The following MDM2 variants were observed in gnomAD, a reference collection of about 807,000 sequenced individuals.
The protein encoded by MDM2 is MDM2 proto-oncogene, also known as E3 ubiquitin-protein ligase Mdm2.
In MDM2, 11 loss-of-function variants were observed where a neutral mutation model predicts 64.3. That is an observed-to-expected ratio of 0.17 (90% CI 0.11 to 0.28). MDM2 has a LOEUF of 0.28. Among genes scored for constraint, MDM2 ranks in the 10% least tolerant of loss-of-function variants. MDM2 has a pLI of 1.00. For synonymous variants in MDM2, 194 were observed against 192.9 expected (o/e 1.01, Z -0.05); for missense variants, 388 against 577.1 (o/e 0.67, Z 3.36).
intron 2 of MDM2, among the ~76,000 whole-genome samples, chr12:68,811,835 C>T (rs899275483): frequency 1.3e-5 from 2 of 152,044 alleles, no homozygotes; most frequent in African/African-American, 4.8e-5. Context: ...CTTCTGACCT[C>T]CTGATCTGCC....
chr12:68,830,046 C>T (rs931063846), intron 8 of MDM2, among the ~76,000 whole-genome samples: 49 of 151,310 alleles, frequency 3.2e-4, no homozygotes, highest in African/African-American at 1.2e-3. Context: ...CATAAACTTT[C>T]TTAAAATATT....
intron 1 of MDM2, among the ~76,000 whole-genome samples, chr12:68,808,777 G>T (rs1283073239): frequency 6.6e-6 from 1 of 151,790 alleles, no homozygotes. Context: ...AAGGTCACGG[G>T]GGCCGGGGGC....
At chr12:68,836,394 A>G (rs574107103) in intron 9 of MDM2, among the ~76,000 whole-genome samples, 5 of 152,268 alleles carry the variant, frequency 3.3e-5, no homozygotes, top group Admixed American at 6.5e-5. Flanking sequence ...CCTATTATTT[A>G]ATATCTCCAT....
intron 7 of MDM2, 51 bp downstream of exon 7, chr12:68,824,702 T>G (rs184794210): frequency 8.3e-7 from 1 of 1,210,080 alleles, no homozygotes; most frequent in Admixed American, 2.1e-5. Flanking sequence ...TGATATTCTT[T>G]CTCTAATGAA....
At chr12:68,822,493 T>C (rs1392432545) in intron 5 of MDM2, among the ~76,000 whole-genome samples, 1 of 152,168 alleles carries the variant, frequency 6.6e-6, no homozygotes, top group Non-Finnish European at 1.5e-5. Context: ...ACCTGTTGTT[T>C]TAAAGCTCTT....
At chr12:68,832,954 G>A (rs1329361591) in intron 8 of MDM2, among the ~76,000 whole-genome samples, 5 of 149,480 alleles carry the variant, frequency 3.3e-5, no homozygotes, top group Non-Finnish European at 4.4e-5. Flanking sequence ...GCGAAACCCC[G>A]TCTCTACTAA....
At position 68,842,563 on chromosome 12, in the gene MDM2, C is replaced by T. The variant is rs1397379019; in HGVS notation, c.*2714C>T. The T allele has an allele frequency of 2.9e-6, 1 of 344,342 alleles. No homozygotes were observed. The highest frequency in any genetic ancestry group is 5.7e-6 in the Non-Finnish European group (1 of 175,320). The allele number at this position is 344,342 out of a possible 1,614,324, so 21.3% of individuals were successfully genotyped here. A position where few individuals can be genotyped will look rare whatever the true frequency, so the allele number is the denominator to read the frequency against. Reference sequence around the variant, plus strand: ...ATAATATGGATGTTTGATCGCATCTCATTGTTAACTCTTTACTGATATGTT... The same window carrying T: ...ATAATATGGATGTTTGATCGCATCTTATTGTTAACTCTTTACTGATATGTT... On this transcript the variant is annotated 3_prime_UTR_variant, in exon 11 of 11. Transcript: ENST00000258149.
rs1452747780 is a variant in MDM2 at position 68,843,265 on chromosome 12, G to A, written c.*3416G>A. ...AATAATGCTTTGAGGACCTCCAAAG[G>A]TAAAAGTACTAATCCCTTTGGCCAT... On this transcript the variant is annotated 3_prime_UTR_variant, in exon 11 of 11. Coordinates refer to ENST00000258149, the MANE Select transcript of MDM2 (RefSeq NM_002392.6). 1 of 226,274 alleles carries A rather than the reference G, an allele frequency of 4.4e-6. No individual in the cohort carries two copies. The highest frequency in any genetic ancestry group is 8.8e-6 in the Non-Finnish European group (1 of 114,020). 14.0% of individuals were successfully genotyped at this position (226,274 alleles called of 1,614,324 possible).
downstream of MDM2, chr12:68,849,411 GTTGT>G (rs1884554069): frequency 1.4e-5 from 2 of 139,422 alleles, no homozygotes; most frequent in Non-Finnish European, 3.1e-5. Context: ...TGTTGTTGTT[GTTGT>G]TTGTTCGTTT....
At chr12:68,832,652 A>G (rs1171926036) in intron 8 of MDM2, among the ~76,000 whole-genome samples, 2 of 151,010 alleles carry the variant, frequency 1.3e-5, no homozygotes, top group African/African-American at 4.9e-5. Context: ...AGCTGGGACT[A>G]CAGGTGTGCA....
At position 68,844,272 on chromosome 12, in the gene MDM2, C is replaced by T. The variant is rs1884070235; in HGVS notation, c.*4423C>T. Reference sequence around the variant, plus strand: ...TCATATATTTGGGTAACAAAAGGCACAAGTCTGAATGTGTTTCTTTTTCTG... The same window carrying T: ...TCATATATTTGGGTAACAAAAGGCATAAGTCTGAATGTGTTTCTTTTTCTG... On this transcript the variant is annotated 3_prime_UTR_variant, in exon 11 of 11. Transcript: ENST00000258149. The T allele has an allele frequency of 4.6e-6, 1 of 218,270 alleles. No individual in the cohort carries two copies. Among genetic ancestry groups the T allele is most frequent in the African/African-American group, 2.2e-5 (1 of 44,614 alleles). The allele number at this position is 218,270 out of a possible 1,614,324, so 13.5% of individuals were successfully genotyped here. A position where few individuals can be genotyped will look rare whatever the true frequency, so the allele number is the denominator to read the frequency against.
rs11177388 is a variant in MDM2, at chr12:68,834,601, G to A, written c.685-1228G>A. ...AAAATACAAAAATTAGCCAGGCATG[G>A]TGGCATGCGCCTGTAGTCCCAGCTA... On this transcript the variant is annotated intron_variant, in intron 8 of 10. Transcript: ENST00000258149. Among the ~76,000 whole-genome samples, 797 of 152,028 alleles carry A rather than the reference G, an allele frequency of 5.2e-3. 24 individuals carry two copies. The highest frequency in any genetic ancestry group is 0.038 in the Admixed American group (577 of 15,278).
intron 10 of MDM2, among the ~76,000 whole-genome samples, chr12:68,839,070 CT>C (rs1271917660): frequency 1.3e-5 from 2 of 150,436 alleles, no homozygotes; most frequent in East Asian, 2.0e-4. Flanking sequence ...AAAATCTATT[CT>C]TTTAGTAAAT....
intron 9 of MDM2, chr12:68,836,449 T>G: frequency 2.4e-6 from 1 of 415,986 alleles, no homozygotes; most frequent in Non-Finnish European, 4.3e-6. Context: ...ATGTTTTGTT[T>G]TATTCATCCT....
chr12:68,813,502 A>G, intron 2 of MDM2, 52 bp from the exon 3 acceptor site: 5 of 1,281,562 alleles, frequency 3.9e-6, no homozygotes, highest in South Asian at 1.2e-5. Context: ...TGCAGGGCCT[A>G]TAGTTCTGGG....
chr12:68,814,052 T>G (rs1005544883), intron 3 of MDM2, among the ~76,000 whole-genome samples: 1 of 152,224 alleles, frequency 6.6e-6, no homozygotes, highest in Non-Finnish European at 1.5e-5. Flanking sequence ...ATAATAAATA[T>G]AATGTTTTTT....
chr12:68,830,335 A>G (rs962303868), intron 8 of MDM2, among the ~76,000 whole-genome samples: 14 of 152,166 alleles, frequency 9.2e-5, no homozygotes, highest in African/African-American at 3.4e-4. Flanking sequence ...CTTCCAAAGC[A>G]GTGATTGTAT....
Position 68,845,025 on chromosome 12 carries a change from C to T in MDM2, c.*5176C>T, listed in dbSNP as rs1266431777. 1.0e-5 allele frequency: 2 copies of T among 200,092 alleles called. No individual in the cohort carries two copies. Among genetic ancestry groups the T allele is most frequent in the Admixed American group, 6.0e-5 (1 of 16,604 alleles). 12.4% of individuals were successfully genotyped at this position (200,092 alleles called of 1,614,324 possible). A position where few individuals can be genotyped will look rare whatever the true frequency, so the allele number is the denominator to read the frequency against. The stretch of plus-strand genomic sequence containing the variant: ...TCAAGTGATCTGCCCGCCTTGGCCC[C>T]CCAAAGTGCTGTGATTACAGGCGTG... On this transcript the variant is annotated 3_prime_UTR_variant, in exon 11 of 11. Transcript: ENST00000258149.
At chr12:68,829,035 T>C in intron 8 of MDM2, 104 bp downstream of exon 8, 1 of 1,165,630 alleles carries the variant, frequency 8.6e-7, no homozygotes, top group South Asian at 1.7e-5. Context: ...CTTACGAGAT[T>C]GATAGAAAAC....
Sources: allele counts gnomAD v4.1 joint callset (sites outside exome capture counted in the v4.1 genomes callset), GRCh38; gene constraint gnomAD v4.1.1; transcripts MANE v1.5; gene names NCBI Gene and HGNC (gene_info 2026-07-23, HGNC 2026-07-21).